The following NELL2 variants were observed in gnomAD, a reference collection of about 807,000 sequenced individuals.
The protein encoded by NELL2 is neural EGFL like 2.
A neutral mutation model predicts 109.6 loss-of-function variants in NELL2; 41 were observed. The observed-to-expected ratio is 0.37, with a 90% CI of 0.29 to 0.49. The LOEUF (loss-of-function observed/expected upper bound fraction) is 0.49, where lower values mean the gene tolerates loss of function less well. NELL2 is among the 20% of genes least tolerant of loss of function. The pLI, the probability that NELL2 is intolerant of heterozygous loss-of-function variation, is 0.98. For synonymous variants in NELL2, 355 were observed against 344.7 expected, an observed-to-expected ratio of 1.03 and a Z score of -0.33; for missense variants, 900 against 1,008.3, an observed-to-expected ratio of 0.89 and a Z score of 1.45.
chr12:44,727,054 G>C (rs1365226338), intron 9 of NELL2, among the ~76,000 whole-genome samples: 1 of 152,098 alleles, frequency 6.6e-6, no homozygotes, highest in African/African-American at 2.4e-5. Context: ...TCTAGAGTGA[G>C]ACATGAAATT....
At chr12:44,822,988 C>T (rs1200955517) in intron 2 of NELL2, among the ~76,000 whole-genome samples, 1 of 152,050 alleles carries the variant, frequency 6.6e-6, no homozygotes, top group Admixed American at 6.6e-5. Context: ...ATCTGACTTA[C>T]TTATTTCTAA....
At chr12:44,614,727 G>A (rs1284394495) in intron 13 of NELL2, among the ~76,000 whole-genome samples, 6 of 152,030 alleles carry the variant, frequency 3.9e-5, no homozygotes, top group Admixed American at 3.9e-4. Context: ...GACTTAAGAT[G>A]AGGTTTAAAT....
intron 2 of NELL2, 27 bp downstream of exon 2, chr12:44,875,198 A>G (rs368528529): frequency 1.4e-5 from 23 of 1,599,408 alleles, no homozygotes; most frequent in African/African-American, 2.7e-5. Context: ...CTGAAATCAC[A>G]GTGGGGATGC....
In NELL2 at chr12:44,804,590, T is replaced by C. The variant is rs150004981; in HGVS notation, c.335+11396A>G. 3.9e-4 allele frequency among the ~76,000 whole-genome samples: 59 copies of C among 151,950 alleles called. 1 individual carries two copies. Among genetic ancestry groups the C allele is most frequent in the Non-Finnish European group, 6.3e-4 (43 of 67,816 alleles). On this transcript the variant is annotated intron_variant, in intron 3 of 19. Transcript: ENST00000429094. ...CTGAATAGTAAACTGTAGAAAAAAA[T>C]TATATTTTTAAATGAGCCCTTTGTA...
chr12:44,545,562 T>C (rs1400418609), intron 15 of NELL2, among the ~76,000 whole-genome samples: 2 of 151,866 alleles, frequency 1.3e-5, no homozygotes, highest in African/African-American at 4.8e-5. Flanking sequence ...AAGAGATGAA[T>C]TCAGGAAAGA....
Position 44,640,671 on chromosome 12 carries a change from G to GT in NELL2, c.1444+24812dup, listed in dbSNP as rs542061221. Among the ~76,000 whole-genome samples, 218 of 143,866 alleles carry GT rather than the reference G, an allele frequency of 1.5e-3. 1 individual carries two copies. Among genetic ancestry groups the GT allele is most frequent in the Non-Finnish European group, 2.2e-3 (141 of 65,104 alleles). The allele number at this position is 143,866 out of a possible 152,430, so 94.4% of individuals were successfully genotyped here. ...GGAACTATCTTCCAGATTGTATTTT[G>GT]TTTTTTTTTTTAAATAGAGTTACCA... On this transcript the variant is annotated intron_variant, in intron 13 of 19. Transcript: ENST00000429094.
At chr12:44,876,403 G>A (rs1945327315), upstream of NELL2, 1 of 1,266,988 alleles carries the variant, frequency 7.9e-7, no homozygotes, top group Non-Finnish European at 1.0e-6. Context: ...AGGAGGGAGG[G>A]GCCGCCGAGG....
At chr12:44,665,633 A>T in intron 12 of NELL2, 24 bp from the exon 13 acceptor site, 1 of 1,604,862 alleles carries the variant, frequency 6.2e-7, no homozygotes, top group Non-Finnish European at 8.5e-7. Context: ...CAGGACAAAG[A>T]GGTCAACAGT....
At chr12:44,746,233 T>C (rs1405844438) in intron 9 of NELL2, among the ~76,000 whole-genome samples, 1 of 151,948 alleles carries the variant, frequency 6.6e-6, no homozygotes, top group Non-Finnish European at 1.5e-5. Context: ...GCTGGGAAAA[T>C]TGGCTAGCCA....
At chr12:44,736,004 C>CTTTTTTTTTTTTT (rs35988182) in intron 9 of NELL2, among the ~76,000 whole-genome samples, 1 of 99,398 alleles carries the variant, frequency 1.0e-5, no homozygotes, top group African/African-American at 3.6e-5. Context: ...GCAGTTAATT[C>CTTTTTTTTTTTTT]TTTTTTTTTT....
In NELL2 at chr12:44,803,209, GA is replaced by G. The variant is rs572706901; in HGVS notation, c.335+12776del. Among the ~76,000 whole-genome samples the G allele has an allele frequency of 5.9e-3, 824 of 140,756 alleles. 8 individuals carry two copies. The highest frequency in any genetic ancestry group is 0.02 in the African/African-American group (760 of 38,394). The allele number at this position is 140,756 out of a possible 152,430, so 92.3% of individuals were successfully genotyped here. A position where few individuals can be genotyped will look rare whatever the true frequency, so the allele number is the denominator to read the frequency against. On this transcript the variant is annotated intron_variant, in intron 3 of 19. Coordinates refer to ENST00000429094, the MANE Select transcript of NELL2 (RefSeq NM_001145108.2). ...AGACCATAGAGGATATCAGAGACAG[GA>G]AAAAACTGGAACTGCTCCAGATTGA...
At chr12:44,742,176 T>C (rs1487820706) in intron 9 of NELL2, among the ~76,000 whole-genome samples, 2 of 152,122 alleles carry the variant, frequency 1.3e-5, no homozygotes, top group Admixed American at 6.5e-5. Context: ...CTGCAGCCAC[T>C]GCTGCTGATA....
chr12:44,897,950 C>G (rs1425320543), intron 1 of NELL2, among the ~76,000 whole-genome samples: 1 of 152,182 alleles, frequency 6.6e-6, no homozygotes, highest in Non-Finnish European at 1.5e-5. Flanking sequence ...TCCGCCATTA[C>G]TGAGGCTTCA....
chr12:44,757,257 A>T lies in NELL2; in HGVS notation c.994+17490T>A, dbSNP rs147131712. ...CTACCTCAAACTGTAGCCTCTCTGAAATGGACTAGTATGAATGCCCCTAAC... is the reference window on the plus strand; with the variant it reads ...CTACCTCAAACTGTAGCCTCTCTGATATGGACTAGTATGAATGCCCCTAAC... On this transcript the variant is annotated intron_variant, in intron 9 of 19. Transcript: ENST00000429094. 7.2e-5 allele frequency among the ~76,000 whole-genome samples: 11 copies of T among 152,232 alleles called. No individual in the cohort carries two copies. The East Asian group carries it at 2.1e-3, about 29-fold the overall frequency.
intron 3 of NELL2, among the ~76,000 whole-genome samples, chr12:44,805,488 G>A (rs1942968763): frequency 6.6e-6 from 1 of 151,878 alleles, no homozygotes; most frequent in Admixed American, 6.6e-5. Context: ...AAAACAGTGA[G>A]CTGTTGAAAA....
At position 44,882,375 on chromosome 12, in the gene NELL2, TATAC is replaced by T. The variant is rs780749180; in HGVS notation, c.39-6479_39-6476del. Among the ~76,000 whole-genome samples, 6 of 151,358 alleles carry T rather than the reference TATAC, an allele frequency of 4.0e-5. 1 individual carries two copies. The highest frequency in any genetic ancestry group is 2.1e-4 in the South Asian group (1 of 4,808). On this transcript the variant is annotated intron_variant, in intron 1 of 20. Coordinates refer to the NELL2 transcript ENST00000333837. ...TACACATATGTATATATGTTGAAAA[TATAC>T]ATACATACGTGTATACATATACACA...
rs754754045 is a variant in NELL2, at chr12:44,774,862, C to T, written c.892-13G>A. 6.4e-6 allele frequency: 10 copies of T among 1,574,120 alleles called. No individual in the cohort carries two copies. In the Admixed American group the frequency reaches 1.8e-4, roughly 28 times the overall value. On this transcript the variant is annotated splice_polypyrimidine_tract_variant and intron_variant, in intron 8 of 19. Transcript: ENST00000429094. ...GGATGGTTCCATTCTGAAAAGGAAA[C>T]AATATTTAAAGAATTTCCATGTTAG...
intron 3 of NELL2, among the ~76,000 whole-genome samples, chr12:44,802,203 A>C (rs536451624): frequency 6.6e-6 from 1 of 152,218 alleles, no homozygotes; most frequent in Non-Finnish European, 1.5e-5. Flanking sequence ...GATAAACTGG[A>C]GGTTGAAAAG....
In NELL2 at chr12:44,761,154, G is replaced by A. The variant is rs1227082994; in HGVS notation, c.994+13593C>T. Among the ~76,000 whole-genome samples, 7 of 152,158 alleles carry A rather than the reference G, an allele frequency of 4.6e-5. No individual in the cohort carries two copies. In the East Asian group the frequency reaches 1.2e-3, roughly 25 times the overall value. On this transcript the variant is annotated intron_variant, in intron 9 of 19. Coordinates refer to ENST00000429094, the MANE Select transcript of NELL2 (RefSeq NM_001145108.2). ...AGGTGGGCAGATCACCTGAGGTCGG[G>A]AGTTCAAGACTGGCCTGACTAACAT...
Sources: gnomAD v4.1 joint callset for allele counts (sites outside exome capture counted in the v4.1 genomes callset) on GRCh38, gnomAD v4.1.1 for gene constraint, MANE v1.5 for transcripts, NCBI Gene and HGNC (gene_info 2026-07-23, HGNC 2026-07-21) for gene names.